The following PRKN variants were observed in gnomAD, a reference collection of about 807,000 sequenced individuals.
The protein encoded by PRKN is parkin RBR E3 ubiquitin protein ligase, also known as E3 ubiquitin-protein ligase parkin.
In PRKN, 56 loss-of-function variants were observed where a neutral mutation model predicts 59.5. The ratio of observed to expected loss-of-function variants is 0.94; its 90% CI spans 0.76 to 1.18. The LOEUF (loss-of-function observed/expected upper bound fraction) is 1.18, where lower values mean the gene tolerates loss of function less well. PRKN is among the 50% of genes most tolerant of loss of function. The pLI is 0.00. For missense variants in PRKN, 657 were observed against 596.4 expected, an observed-to-expected ratio of 1.10 and a Z score of -1.06; for synonymous variants, 250 against 222.1, an observed-to-expected ratio of 1.13 and a Z score of -1.12.
At chr6:162,409,672 A>T (rs1318639882) in intron 2 of PRKN, among the ~76,000 whole-genome samples, 1 of 152,230 alleles carries the variant, frequency 6.6e-6, no homozygotes, top group Non-Finnish European at 1.5e-5. Flanking sequence ...ACTAGTTATA[A>T]ATTTAATATT....
rs1583366101 is a variant in PRKN, at chr6:161,933,512, T to C, written c.734+39790A>G. ...CTCCATTTAATCTCTTCTGGTCATA[T>C]AGCCTCTGAAAAACTCCGTAGCTTA... On this transcript the variant is annotated intron_variant, in intron 6 of 11. Coordinates refer to ENST00000366898, the MANE Select transcript of PRKN (RefSeq NM_004562.3). Among the ~76,000 whole-genome samples, 7 of 152,340 alleles carry C rather than the reference T, an allele frequency of 4.6e-5. No homozygotes were observed. In the South Asian group the frequency reaches 1.4e-3, roughly 32 times the overall value.
rs1402717955 is a variant in PRKN, at chr6:162,727,737, C to G, written c.-69G>C. On this transcript the variant is annotated 5_prime_UTR_variant, in exon 1 of 12. Coordinates refer to ENST00000366898, the MANE Select transcript of PRKN (RefSeq NM_004562.3). ...GCGCGCAGCGGCGCCAGCCGCGCCT[C>G]CCACCAGCGGCTCTCCTGGGTTAAA... 1.3e-6 allele frequency: 2 copies of G among 1,500,024 alleles called. No individual in the cohort carries two copies. The highest frequency in any genetic ancestry group is 2.4e-5 in the South Asian group (2 of 83,020). The allele number at this position is 1,500,024 out of a possible 1,614,324, so 92.9% of individuals were successfully genotyped here.
intron 1 of PRKN, among the ~76,000 whole-genome samples, chr6:162,639,231 C>A (rs1221755193): frequency 6.6e-6 from 1 of 152,086 alleles, no homozygotes; most frequent in Non-Finnish European, 1.5e-5. Flanking sequence ...CAGTCAATGG[C>A]GCCATTTCCC....
At chr6:162,359,079 A>AAAAAAAAATATATATATATATAT (rs57265104) in intron 2 of PRKN, among the ~76,000 whole-genome samples, 2 of 83,244 alleles carry the variant, frequency 2.4e-5, no homozygotes, top group African/African-American at 1.5e-4. Context: ...AAAAAAAAAA[A>AAAAAAAAATATATATATATATAT]ATATATATAT....
chr6:161,482,352 G>C lies in PRKN; in HGVS notation c.1083+66502C>G, dbSNP rs573140065. 2.0e-5 allele frequency among the ~76,000 whole-genome samples: 3 copies of C among 152,242 alleles called. No individual in the cohort carries two copies. The South Asian group carries it at 6.2e-4, about 32-fold the overall frequency. Reference sequence around the variant, plus strand: ...TCAGCATGCCAGCGTGCAGTGTTAGGTTCTGTTAGGATCAAAACAATCTCC... The same window carrying C: ...TCAGCATGCCAGCGTGCAGTGTTAGCTTCTGTTAGGATCAAAACAATCTCC... On this transcript the variant is annotated intron_variant, in intron 9 of 11. Coordinates refer to ENST00000366898, the MANE Select transcript of PRKN (RefSeq NM_004562.3).
At chr6:161,557,677 T>A (rs2115450600) in intron 8 of PRKN, among the ~76,000 whole-genome samples, 1 of 152,250 alleles carries the variant, frequency 6.6e-6, no homozygotes, top group East Asian at 1.9e-4. Context: ...AAGAAAAGAA[T>A]CTAATTTTAA....
At chr6:161,783,008 A>G (rs78639594) in intron 7 of PRKN, among the ~76,000 whole-genome samples, 3,947 of 152,338 alleles carry the variant, frequency 0.026, 156 homozygotes, top group African/African-American at 0.089. Flanking sequence ...ATAAGGATAT[A>G]CCCTAATGAC....
intron 9 of PRKN, among the ~76,000 whole-genome samples, chr6:161,493,738 C>T (rs1465157230): frequency 6.6e-6 from 1 of 152,206 alleles, no homozygotes; most frequent in Non-Finnish European, 1.5e-5. Context: ...AACAGAACGA[C>T]GTGCATTAGC....
chr6:162,185,067 T>C (rs1050153732), intron 4 of PRKN, among the ~76,000 whole-genome samples: 3 of 152,146 alleles, frequency 2.0e-5, no homozygotes, highest in African/African-American at 4.8e-5. Flanking sequence ...TTATGAAACT[T>C]GTATTGGGCT....
intron 4 of PRKN, among the ~76,000 whole-genome samples, chr6:162,187,847 T>C (rs1023031670): frequency 6.6e-6 from 1 of 152,128 alleles, no homozygotes; most frequent in African/African-American, 2.4e-5. Context: ...TACAGCGTGA[T>C]GGGTTGTGCA....
At chr6:162,021,461 A>AT (rs72433488) in intron 5 of PRKN, among the ~76,000 whole-genome samples, 873 of 24,634 alleles carry the variant, frequency 0.035, 6 homozygotes, top group East Asian at 0.1. Context: ...ATATATATAT[A>AT]TTTTTTTTTT....
chr6:161,506,202 T>A (rs945154846), intron 9 of PRKN, among the ~76,000 whole-genome samples: 6 of 152,014 alleles, frequency 3.9e-5, no homozygotes, highest in Admixed American at 1.3e-4. Context: ...TTAATTTCAT[T>A]GAGCAGTGGT....
chr6:162,041,337 G>C (rs1259004407), intron 5 of PRKN, among the ~76,000 whole-genome samples: 2 of 152,164 alleles, frequency 1.3e-5, no homozygotes, highest in Non-Finnish European at 2.9e-5. Context: ...TTTAGTTCCT[G>C]AACCTGTAAA....
Position 161,822,451 on chromosome 6 carries a change from G to A in PRKN, c.735-36543C>T, listed in dbSNP as rs145072560. Among the ~76,000 whole-genome samples the A allele has an allele frequency of 2.7e-3, 414 of 152,256 alleles. 1 individual carries two copies. Among genetic ancestry groups the A allele is most frequent in the African/African-American group, 9.5e-3 (393 of 41,566 alleles). On this transcript the variant is annotated intron_variant, in intron 6 of 11. Coordinates refer to ENST00000366898, the MANE Select transcript of PRKN (RefSeq NM_004562.3). ...AGCACTTTAGGAAGCCAAGGCAGGC[G>A]GATCACCTGATGTTAGGAGTTCAAC...
At chr6:161,894,044 T>C (rs1777517447) in intron 6 of PRKN, among the ~76,000 whole-genome samples, 1 of 152,228 alleles carries the variant, frequency 6.6e-6, no homozygotes, top group Admixed American at 6.5e-5. Context: ...CTATGTGCTA[T>C]AAATAGTGAG....
intron 5 of PRKN, among the ~76,000 whole-genome samples, chr6:161,997,860 T>C (rs1453368260): frequency 1.3e-5 from 2 of 152,112 alleles, no homozygotes; most frequent in African/African-American, 4.8e-5. Context: ...ATTACTTGGC[T>C]GGTTATATAT....
At chr6:161,979,464 A>G (rs1616604) in intron 5 of PRKN, among the ~76,000 whole-genome samples, 57,458 of 151,660 alleles carry the variant, frequency 0.38, 11,128 homozygotes, top group South Asian at 0.51. Flanking sequence ...AGTAGAGATG[A>G]AGTTTTACCA....
At chr6:162,135,481 CATTT>C (rs889567150) in intron 4 of PRKN, among the ~76,000 whole-genome samples, 1 of 152,140 alleles carries the variant, frequency 6.6e-6, no homozygotes, top group Non-Finnish European at 1.5e-5. Context: ...ATTAAGCTGA[CATTT>C]ATTTATACCT....
chr6:162,476,318 C>T lies in PRKN; in HGVS notation c.8-32845G>A, dbSNP rs187693541. On this transcript the variant is annotated intron_variant, in intron 1 of 11. Coordinates refer to ENST00000366898, the MANE Select transcript of PRKN (RefSeq NM_004562.3). ...AACTCCCGACCTCAGGTGATCCACC[C>T]GCCTCGGCCTCCCAAAGTGCTGGGA... Among the ~76,000 whole-genome samples the T allele has an allele frequency of 5.2e-3, 758 of 146,086 alleles. 7 individuals are homozygous for T. Among genetic ancestry groups the T allele is most frequent in the African/African-American group, 0.019 (734 of 39,492 alleles).
Sources: gnomAD v4.1 joint callset for allele counts (sites outside exome capture counted in the v4.1 genomes callset) on GRCh38, gnomAD v4.1.1 for gene constraint, MANE v1.5 for transcripts, NCBI Gene and HGNC (gene_info 2026-07-23, HGNC 2026-07-21) for gene names.